The following IQCM variants were observed in gnomAD, a reference collection of about 807,000 sequenced individuals.
The protein encoded by IQCM is IQ motif containing M.
IQCM carries 45 observed loss-of-function variants against 57.6 expected under a neutral mutation model. The observed-to-expected ratio is 0.78, with a 90% CI of 0.62 to 1.00. The LOEUF (loss-of-function observed/expected upper bound fraction) is 1.00. Ranked by LOEUF, IQCM falls within the 50% of genes least tolerant of loss-of-function variation. The pLI, the probability that IQCM is intolerant of heterozygous loss-of-function variation, is 0.00. For missense variants in IQCM, 468 were observed against 511.6 expected (o/e 0.91, Z 0.82); for synonymous variants, 148 against 158.9 (o/e 0.93, Z 0.51).
chr4:149,490,504 T>C (rs1291639651), intron 12 of IQCM, among the ~76,000 whole-genome samples: 5 of 152,116 alleles, frequency 3.3e-5, no homozygotes, highest in African/African-American at 4.8e-5. Flanking sequence ...AAACATACTA[T>C]GAGCCAAATC....
Position 149,398,090 on chromosome 4 carries a change from C to A in IQCM, c.1390+35306G>T. Among the ~76,000 whole-genome samples the A allele has an allele frequency of 2.0e-5, 3 of 152,062 alleles. No homozygotes were observed. In the Middle Eastern group the frequency reaches 0.01, roughly 517 times the overall value. ...TTGTGTATGGTGTAAGAAAAATAGG[C>A]ACAATTTCATTGTTTTGAATATGGT... is the stretch of plus-strand genomic sequence containing the variant. On this transcript the variant is annotated intron_variant, in intron 13 of 13. Coordinates refer to ENST00000636793, the MANE Select transcript of IQCM (RefSeq NM_001363507.2).
intron 13 of IQCM, among the ~76,000 whole-genome samples, chr4:149,418,699 A>G (rs567563683): frequency 3.9e-5 from 6 of 152,258 alleles, no homozygotes; most frequent in Non-Finnish European, 7.4e-5. Flanking sequence ...AAAGACATCA[A>G]ATTGTCTTTG....
intron 6 of IQCM, among the ~76,000 whole-genome samples, chr4:149,682,917 A>G (rs1189042402): frequency 2.0e-5 from 3 of 151,138 alleles, no homozygotes; most frequent in Non-Finnish European, 4.5e-5. Context: ...GGACTTCAGG[A>G]ACCATATTAC....
intron 13 of IQCM, among the ~76,000 whole-genome samples, chr4:149,357,226 A>G (rs888912389): frequency 3.9e-5 from 6 of 152,180 alleles, no homozygotes; most frequent in Non-Finnish European, 5.9e-5. Context: ...TCCTAATTTA[A>G]TGCTCTTTAT....
intron 12 of IQCM, among the ~76,000 whole-genome samples, chr4:149,497,683 T>C (rs952306656): frequency 5.4e-5 from 8 of 149,198 alleles, no homozygotes; most frequent in African/African-American, 1.7e-4. Flanking sequence ...AGCCAAACCA[T>C]ATCGGTCACT....
chr4:149,414,703 T>TA (rs1163720440), intron 13 of IQCM, among the ~76,000 whole-genome samples: 1 of 151,960 alleles, frequency 6.6e-6, no homozygotes, highest in African/African-American at 2.4e-5. Context: ...TCTTTATAAG[T>TA]AAAAAAATTC....
At chr4:149,609,406 C>T (rs1012061773) in intron 8 of IQCM, among the ~76,000 whole-genome samples, 1 of 151,764 alleles carries the variant, frequency 6.6e-6, no homozygotes, top group Non-Finnish European at 1.5e-5. Flanking sequence ...CAGTATTATG[C>T]TGATACAAAA....
At chr4:149,461,317 T>C (rs1167196951) in intron 12 of IQCM, among the ~76,000 whole-genome samples, 1 of 151,962 alleles carries the variant, frequency 6.6e-6, no homozygotes, top group Middle Eastern at 3.2e-3. Context: ...CTATTGTTTA[T>C]GGTAAGGTAA....
At chr4:149,392,668 T>C (rs1480835614) in intron 13 of IQCM, among the ~76,000 whole-genome samples, 2 of 151,890 alleles carry the variant, frequency 1.3e-5, no homozygotes, top group East Asian at 1.9e-4. Context: ...ATGCAAGGAG[T>C]GTCCCAGAAG....
chr4:149,793,719 A>G (rs934825780), intron 2 of IQCM: 3 of 152,210 alleles, frequency 2.0e-5, no homozygotes, highest in African/African-American at 7.2e-5. Flanking sequence ...GATAGAATCT[A>G]TAAAATATAA....
chr4:149,746,706 T>C (rs1174729148), intron 2 of IQCM, among the ~76,000 whole-genome samples: 1 of 152,190 alleles, frequency 6.6e-6, no homozygotes, highest in Non-Finnish European at 1.5e-5. Context: ...CAAGGTAAAA[T>C]TTTTGGGCAA....
chr4:149,674,456 A>C (rs1186167383), intron 7 of IQCM, among the ~76,000 whole-genome samples: 5 of 152,126 alleles, frequency 3.3e-5, no homozygotes, highest in Non-Finnish European at 7.4e-5. Flanking sequence ...GATAAGTAAA[A>C]TAGGCAGTAT....
At position 149,761,953 on chromosome 4, in the gene IQCM, C is replaced by T. The variant is rs562956146; in HGVS notation, c.-48-19214G>A. Among the ~76,000 whole-genome samples, 28 of 151,918 alleles carry T rather than the reference C, an allele frequency of 1.8e-4. 1 individual carries two copies. The highest frequency in any genetic ancestry group is 5.5e-4 in the African/African-American group (23 of 41,458). On this transcript the variant is annotated intron_variant, in intron 2 of 13. Coordinates refer to ENST00000636793, the MANE Select transcript of IQCM (RefSeq NM_001363507.2). The stretch of plus-strand genomic sequence containing the variant: ...AATTTATGAAAAGAGTTATATGATA[C>T]ACAAAGTAAAAATTAAGGTCTTTAG...
chr4:149,550,963 C>A lies in IQCM; in HGVS notation c.1093+2180G>T, dbSNP rs535028660. ...CTGGACTCCTTTATTCTGTTTTTGC[C>A]ACATGTTAGCCTATTCTCAACAAAA... On this transcript the variant is annotated intron_variant, in intron 11 of 13. Coordinates refer to ENST00000636793, the MANE Select transcript of IQCM (RefSeq NM_001363507.2). Among the ~76,000 whole-genome samples, 73 of 152,226 alleles carry A rather than the reference C, an allele frequency of 4.8e-4. 1 individual carries two copies. In the South Asian group the frequency reaches 0.015, roughly 32 times the overall value.
chr4:149,598,384 T>C (rs1405306859), intron 8 of IQCM, among the ~76,000 whole-genome samples: 1 of 152,014 alleles, frequency 6.6e-6, no homozygotes, highest in African/African-American at 2.4e-5. Flanking sequence ...ATCTACAGAT[T>C]AACCATTTAT....
intron 8 of IQCM, among the ~76,000 whole-genome samples, chr4:149,612,715 GT>G (rs1755413634): frequency 6.7e-6 from 1 of 148,216 alleles, no homozygotes; most frequent in African/African-American, 2.4e-5. Context: ...AATTAATATA[GT>G]TTTTTCAAAG....
intron 2 of IQCM, among the ~76,000 whole-genome samples, chr4:149,800,790 T>A (rs1316710907): frequency 1.3e-5 from 2 of 151,584 alleles, no homozygotes; most frequent in Non-Finnish European, 3.0e-5. Context: ...AAGTGAAAGA[T>A]CTCTATAATG....
chr4:149,707,677 A>C (rs1333368874), intron 5 of IQCM, among the ~76,000 whole-genome samples: 1 of 152,008 alleles, frequency 6.6e-6, no homozygotes, highest in Admixed American at 6.6e-5. Context: ...ACTTGGGGGA[A>C]ACTGACATGG....
At position 149,535,586 on chromosome 4, in the gene IQCM, C is replaced by T. The variant is rs542938622; in HGVS notation, c.1228+12869G>A. Among the ~76,000 whole-genome samples the T allele has an allele frequency of 5.1e-4, 77 of 152,116 alleles. 1 individual carries two copies. In the South Asian group the frequency reaches 0.015, roughly 30 times the overall value. ...TGAAGTTACACCATTCTAAAGCCCC[C>T]GCTGTTCCTGCTGTTTCTTAAAGAT... On this transcript the variant is annotated intron_variant, in intron 12 of 13. Transcript: ENST00000636793.
Sources: allele counts gnomAD v4.1 joint callset (sites outside exome capture counted in the v4.1 genomes callset), GRCh38; gene constraint gnomAD v4.1.1; transcripts MANE v1.5; gene names NCBI Gene and HGNC (gene_info 2026-07-23, HGNC 2026-07-21).